The following EMC3 variants were observed in gnomAD, a reference collection of about 807,000 sequenced individuals.
The protein encoded by EMC3 is 30 kDa protein.
Under a neutral mutation model 36.6 loss-of-function variants are expected in EMC3, and 13 were observed. The observed-to-expected ratio is 0.35, with a 90% CI of 0.23 to 0.56. The LOEUF (loss-of-function observed/expected upper bound fraction) is 0.56, where lower values mean the gene tolerates loss of function less well. Among genes scored for constraint, EMC3 ranks in the 20% least tolerant of loss-of-function variants. EMC3 has a pLI of 0.84. For missense variants in EMC3, 220 were observed against 324.5 expected, an observed-to-expected ratio of 0.68 and a Z score of 2.47; for synonymous variants, 120 against 111.9, an observed-to-expected ratio of 1.07 and a Z score of -0.46.
chr3:9,967,161 T>C (rs2085743051), intron 7 of EMC3, among the ~76,000 whole-genome samples: 1 of 152,296 alleles, frequency 6.6e-6, no homozygotes, highest in East Asian at 1.9e-4. Flanking sequence ...TATTAAAGAT[T>C]TGGGACTTTG....
At chr3:10,008,337 A>C (rs753831573) in intron 1 of EMC3, 32 of 1,253,830 alleles carry the variant, frequency 2.6e-5, no homozygotes, top group Non-Finnish European at 3.0e-5. Context: ...TCAAGGGACT[A>C]TAGGGAAGGG....
chr3:10,002,639 G>T, intron 1 of EMC3: 1 of 375,162 alleles, frequency 2.7e-6, no homozygotes, highest in Non-Finnish European at 5.3e-6. Context: ...TCCACCCAGA[G>T]CAACAGCAGC....
intron 3 of EMC3, among the ~76,000 whole-genome samples, chr3:9,975,815 GAAAAAAAAAA>G (rs56879267): frequency 1.1e-5 from 1 of 88,110 alleles, no homozygotes; most frequent in Non-Finnish European, 2.5e-5. Context: ...CCTTTCTGAA[GAAAAAAAAAA>G]AAAAAAAAAA....
At chr3:9,985,199 T>C (rs2085957179) in intron 1 of EMC3, among the ~76,000 whole-genome samples, 1 of 152,210 alleles carries the variant, frequency 6.6e-6, no homozygotes, top group Non-Finnish European at 1.5e-5. Flanking sequence ...AATCTTTAAA[T>C]TACCAGCAAA....
At chr3:9,998,396 TAATA>T (rs1366968940) in intron 1 of EMC3, among the ~76,000 whole-genome samples, 1 of 147,356 alleles carries the variant, frequency 6.8e-6, no homozygotes, top group African/African-American at 2.5e-5. Flanking sequence ...ATAATAATAA[TAATA>T]ATAATAATTT....
chr3:9,998,366 A>AATAAT (rs1553604406), intron 1 of EMC3, among the ~76,000 whole-genome samples: 7 of 137,394 alleles, frequency 5.1e-5, no homozygotes, highest in South Asian at 2.4e-4. Context: ...ACTCTGTCTC[A>AATAAT]AATAATAATA....
Position 9,974,444 on chromosome 3 carries a change from C to T in EMC3, c.352G>A (p.Val118Ile). 6.2e-7 allele frequency: 1 copy of T among 1,613,828 alleles called. No homozygotes were observed. Among genetic ancestry groups the T allele is most frequent in the Non-Finnish European group, 8.5e-7 (1 of 1,179,710 alleles). ...TDMMKGNVTN[V>I]LPMILIGGWI... ...CCACCAATAAGAATCATAGGGAGGA[C>T]ATTTGTTACATTCCCTTTCATCATG... The change falls in exon 4 of 8, where the codon GTC (valine) becomes ATC (isoleucine). Residue 118 changes from valine (V) to isoleucine (I), a missense_variant. This residue lies in a region of EMC3 where 127 missense variants were observed against 174.6 expected (regional missense o/e 0.73). Transcript: ENST00000245046.
Position 9,973,505 on chromosome 3 carries a change from T to G in EMC3, c.494+123A>C, listed in dbSNP as rs1487287878. On this transcript the variant is annotated intron_variant, in intron 5 of 7. Coordinates refer to ENST00000245046, the MANE Select transcript of EMC3 (RefSeq NM_001394674.1). ...CACTGCGCCCGGCCTGTTTTCGTTT[T>G]CTTGAGACAGGGTCTTACTCTGTTG... 9.1e-6 allele frequency: 8 copies of G among 875,700 alleles called. No homozygotes were observed. The East Asian group carries it at 1.6e-4, about 17-fold the overall frequency. The allele number at this position is 875,700 out of a possible 1,614,324, so 54.2% of individuals were successfully genotyped here.
At chr3:9,985,718 A>G (rs1384617112) in intron 1 of EMC3, among the ~76,000 whole-genome samples, 2 of 151,934 alleles carry the variant, frequency 1.3e-5, no homozygotes. Flanking sequence ...AGATGGTGAA[A>G]CCCTGTCTCT....
At chr3:9,987,267 G>T, upstream of EMC3, 1 of 984,936 alleles carries the variant, frequency 1.0e-6, no homozygotes, top group Non-Finnish European at 1.2e-6. Flanking sequence ...GCTTCTCGGT[G>T]AGTAAATGGA....
chr3:9,979,121 A>G (rs2085882549), intron 1 of EMC3, among the ~76,000 whole-genome samples: 1 of 152,140 alleles, frequency 6.6e-6, no homozygotes, highest in East Asian at 1.9e-4. Context: ...TCATTATGCT[A>G]TACAGTTCTC....
rs534197755 is a variant in EMC3, at chr3:10,007,226, C to T, written c.-242+3797G>A. ...GTAGTGGCTCTGAAGGGCTGAGGCT[C>T]TGAGCAGGTGCAGGGTAGAGTCCCA... On this transcript the variant is annotated intron_variant, in intron 1 of 8. Transcript: ENST00000470827. The T allele has an allele frequency of 3.9e-6, 4 of 1,031,148 alleles. No homozygotes were observed. The South Asian group carries it at 6.7e-5, about 17-fold the overall frequency. 63.9% of individuals were successfully genotyped at this position (1,031,148 alleles called of 1,614,324 possible).
intron 6 of EMC3, 149 bp from the exon 7 acceptor site, chr3:9,969,950 A>G: frequency 7.5e-7 from 1 of 1,338,864 alleles, no homozygotes; most frequent in Non-Finnish European, 9.9e-7. Context: ...ACTCTAGGAA[A>G]GTCACTTTGT....
At chr3:9,964,283 G>GC in intron 7 of EMC3, 86 bp from the exon 8 acceptor site, 2 of 1,547,830 alleles carry the variant, frequency 1.3e-6, no homozygotes, top group Non-Finnish European at 1.7e-6. Flanking sequence ...CTTACTCTGG[G>GC]CCAAAAGCTG....
chr3:10,007,622 C>G (rs1263502200), intron 1 of EMC3: 10 of 1,365,148 alleles, frequency 7.3e-6, no homozygotes, highest in Non-Finnish European at 8.8e-6. Context: ...ACAGCAGCAG[C>G]CCTGAGGGAT....
rs970469952 is a variant in EMC3, at chr3:9,975,116, C to T, written c.308-628G>A. 6.6e-5 allele frequency among the ~76,000 whole-genome samples: 10 copies of T among 152,050 alleles called. No homozygotes were observed. In the East Asian group the frequency reaches 1.5e-3, roughly 23 times the overall value. On this transcript the variant is annotated intron_variant, in intron 3 of 7. Transcript: ENST00000245046. ...CTGACCTCAAGTGATCTGCCTGCCT[C>T]GGTCTCCCAAAGTGCTGGGATTACA...
At chr3:9,987,621 T>C (rs3755782), upstream of EMC3, among the ~76,000 whole-genome samples, 34,213 of 152,062 alleles carry the variant, frequency 0.22, 4,463 homozygotes, top group African/African-American at 0.36. Flanking sequence ...CCGGATAGCA[T>C]TGAGAAGAGG....
At chr3:9,982,404 C>T (rs2085921474) in intron 1 of EMC3, among the ~76,000 whole-genome samples, 1 of 151,980 alleles carries the variant, frequency 6.6e-6, no homozygotes, top group African/African-American at 2.4e-5. Context: ...CAGGCGCGTC[C>T]CACCATGCTC....
intron 1 of EMC3, among the ~76,000 whole-genome samples, chr3:10,010,606 C>T (rs1190975279): frequency 6.6e-6 from 1 of 152,246 alleles, no homozygotes; most frequent in African/African-American, 2.4e-5. Flanking sequence ...CTCCCTCCCC[C>T]ACTCAGTGGC....
Sources: gnomAD v4.1 joint callset for allele counts (sites outside exome capture counted in the v4.1 genomes callset) on GRCh38, gnomAD v4.1.1 for gene constraint, gnomAD v4.1.1 regional missense constraint, MANE v1.5 for transcripts, NCBI Gene and HGNC (gene_info 2026-07-23, HGNC 2026-07-21) for gene names.